The following ABTB3 variants were observed in gnomAD, a reference collection of about 807,000 sequenced individuals.
ABTB3 encodes the protein ankyrin repeat and BTB domain containing 3.
the ABTB3 span, among the ~76,000 whole-genome samples, chr12:107,374,202 C>T: frequency 6.6e-6 from 1 of 152,204 alleles, no homozygotes; most frequent in Non-Finnish European, 1.5e-5. Flanking sequence ...CCCTCTGCTC[C>T]GTTTTCCAAA....
the ABTB3 span, chr12:107,618,034 C>T: frequency 1.2e-6 from 1 of 822,820 alleles, no homozygotes; most frequent in South Asian, 1.7e-5. Context: ...AAGTGCCACC[C>T]ATTGATCTTG....
chr12:107,359,609 G>C, the ABTB3 span, among the ~76,000 whole-genome samples: 3 of 152,182 alleles, frequency 2.0e-5, no homozygotes, highest in African/African-American at 7.2e-5. Context: ...TGTTATTTAG[G>C]ACTTTGTTTT....
the ABTB3 span, among the ~76,000 whole-genome samples, chr12:107,557,932 G>A: frequency 3.9e-5 from 6 of 152,192 alleles, no homozygotes; most frequent in South Asian, 8.3e-4. Flanking sequence ...GGGGGACTCC[G>A]GGAGGCCTCA....
the ABTB3 span, among the ~76,000 whole-genome samples, chr12:107,547,274 C>A: frequency 6.6e-6 from 1 of 152,066 alleles, no homozygotes; most frequent in Non-Finnish European, 1.5e-5. Flanking sequence ...CAACAACAAC[C>A]ACAACCCTCT....
chr12:107,366,106 A>T, the ABTB3 span, among the ~76,000 whole-genome samples: 1 of 152,098 alleles, frequency 6.6e-6, no homozygotes, highest in African/African-American at 2.4e-5. Flanking sequence ...TTCTCTTGGA[A>T]GCCTTCCCCA....
chr12:107,611,062 A>G, the ABTB3 span, among the ~76,000 whole-genome samples: 149 of 152,316 alleles, frequency 9.8e-4, no homozygotes, highest in South Asian at 0.027. Flanking sequence ...CAGCTATAAT[A>G]ATTTTATTGA....
At chr12:107,482,151 T>C in the ABTB3 span, among the ~76,000 whole-genome samples, 1 of 152,072 alleles carries the variant, frequency 6.6e-6, no homozygotes, top group Non-Finnish European at 1.5e-5. Flanking sequence ...GAGTAGACAC[T>C]GGATGGGCCA....
chr12:107,532,681 A>G, the ABTB3 span, among the ~76,000 whole-genome samples: 1 of 152,216 alleles, frequency 6.6e-6, no homozygotes, highest in Non-Finnish European at 1.5e-5. Flanking sequence ...AAGATCTCCA[A>G]ATAGATTAAA....
the ABTB3 span, among the ~76,000 whole-genome samples, chr12:107,425,754 G>A: frequency 6.6e-6 from 1 of 152,126 alleles, no homozygotes; most frequent in East Asian, 1.9e-4. Context: ...TGAACCCAGC[G>A]GCCTATGAGC....
At chr12:107,437,540 G>C in the ABTB3 span, among the ~76,000 whole-genome samples, 1 of 151,996 alleles carries the variant, frequency 6.6e-6, no homozygotes, top group African/African-American at 2.4e-5. Context: ...GGGATTACAG[G>C]TGTATGCCAC....
chr12:107,502,009 G>C, the ABTB3 span, among the ~76,000 whole-genome samples: 1 of 152,014 alleles, frequency 6.6e-6, no homozygotes, highest in African/African-American at 2.4e-5. Context: ...GCCACTGCCT[G>C]GGTGATGTCC....
the ABTB3 span, among the ~76,000 whole-genome samples, chr12:107,478,283 T>C: frequency 6.6e-6 from 1 of 152,318 alleles, no homozygotes; most frequent in South Asian, 2.1e-4. Flanking sequence ...CTTTAAATTT[T>C]TAAGGACAAA....
the ABTB3 span, among the ~76,000 whole-genome samples, chr12:107,589,178 A>G: frequency 7.9e-5 from 12 of 152,384 alleles, no homozygotes; most frequent in African/African-American, 2.9e-4. Context: ...GTAAATGCAC[A>G]TGAAATACTA....
the ABTB3 span, chr12:107,610,288 G>A: frequency 3.7e-6 from 6 of 1,614,020 alleles, no homozygotes; most frequent in African/African-American, 2.7e-5. Flanking sequence ...AACTGTGGAC[G>A]AACAGACCTG....
the ABTB3 span, among the ~76,000 whole-genome samples, chr12:107,613,169 C>A: frequency 6.6e-6 from 1 of 152,176 alleles, no homozygotes; most frequent in Non-Finnish European, 1.5e-5. Flanking sequence ...GTCCTGATTT[C>A]CAGAGTTCCT....
the ABTB3 span, among the ~76,000 whole-genome samples, chr12:107,390,256 T>C: frequency 6.6e-6 from 1 of 152,244 alleles, no homozygotes; most frequent in Non-Finnish European, 1.5e-5. Flanking sequence ...GTGTATCTTA[T>C]TGTATTTAAT....
chr12:107,532,197 C>T, the ABTB3 span, among the ~76,000 whole-genome samples: 5 of 152,240 alleles, frequency 3.3e-5, no homozygotes, highest in African/African-American at 1.2e-4. Context: ...TCTGCAATCA[C>T]CAGCACCCAT....
At chr12:107,567,609 C>A in the ABTB3 span, among the ~76,000 whole-genome samples, 1 of 152,182 alleles carries the variant, frequency 6.6e-6, no homozygotes, top group Non-Finnish European at 1.5e-5. Flanking sequence ...ATCCCCGGCC[C>A]GCAGACCAGT....
chr12:107,452,657 T>C, the ABTB3 span, among the ~76,000 whole-genome samples: 1 of 151,928 alleles, frequency 6.6e-6, no homozygotes, highest in African/African-American at 2.4e-5. Context: ...CTGGCCAACA[T>C]GATGAAACCC....
Sources: gnomAD v4.1 joint callset for allele counts (sites outside exome capture counted in the v4.1 genomes callset) on GRCh38, gnomAD v4.1.1 for gene constraint, MANE v1.5 for transcripts, NCBI Gene and HGNC (gene_info 2026-07-23, HGNC 2026-07-21) for gene names.